FMN2: variants seen among roughly 807,000 people sequenced by gnomAD.
The protein encoded by FMN2 is formin 2.
A neutral mutation model predicts 142.3 loss-of-function variants in FMN2; 51 were observed. That is an observed-to-expected ratio of 0.36 (90% CI 0.29 to 0.45). The LOEUF is 0.45. Among genes scored for constraint, FMN2 ranks in the 20% least tolerant of loss-of-function variants. The pLI is 1.00. For synonymous variants in FMN2, 882 were observed against 869.8 expected, an observed-to-expected ratio of 1.01 and a Z score of -0.25; for missense variants, 1,936 against 2,122.8, an observed-to-expected ratio of 0.91 and a Z score of 1.73.
chr1:240,410,323 T>C (rs995632207), intron 15 of FMN2, among the ~76,000 whole-genome samples: 8 of 152,220 alleles, frequency 5.3e-5, no homozygotes, highest in African/African-American at 1.7e-4. Context: ...CTTTTCTGTT[T>C]GAAATTCCTC....
chr1:240,118,291 G>A (rs138085550), intron 1 of FMN2, among the ~76,000 whole-genome samples: 154 of 152,296 alleles, frequency 1.0e-3, no homozygotes, highest in African/African-American at 3.3e-3. Context: ...AAAGGGCAAC[G>A]GGTAGCACAG....
At chr1:240,455,496 C>T (rs1676209287) in intron 16 of FMN2, among the ~76,000 whole-genome samples, 1 of 152,178 alleles carries the variant, frequency 6.6e-6, no homozygotes, top group Admixed American at 6.5e-5. Context: ...AACGCAGTGA[C>T]TAGCCCATCA....
chr1:240,383,223 A>G lies in FMN2; in HGVS notation c.4859-9288A>G, dbSNP rs184034322. ...CCTAGGCAAAGAATTTATGACAAAGACCTCAAAAGCAAATGCAACAGAATA... is the reference window on the plus strand; with the variant it reads ...CCTAGGCAAAGAATTTATGACAAAGGCCTCAAAAGCAAATGCAACAGAATA... On this transcript the variant is annotated intron_variant, in intron 14 of 17. Transcript: ENST00000319653. Among the ~76,000 whole-genome samples, 39 of 150,828 alleles carry G rather than the reference A, an allele frequency of 2.6e-4. No individual in the cohort carries two copies. The East Asian group carries it at 7.2e-3, about 28-fold the overall frequency.
intron 8 of FMN2, among the ~76,000 whole-genome samples, chr1:240,301,071 G>A (rs907538746): frequency 4.6e-5 from 7 of 151,280 alleles, no homozygotes; most frequent in African/African-American, 1.7e-4. Flanking sequence ...TGTTGTTATA[G>A]TTGGATTTAG....
intron 1 of FMN2, among the ~76,000 whole-genome samples, chr1:240,103,703 T>G (rs1661491022): frequency 6.6e-6 from 1 of 152,158 alleles, no homozygotes; most frequent in African/African-American, 2.4e-5. Flanking sequence ...CAACATTCTT[T>G]TGTCCACAAC....
intron 7 of FMN2, among the ~76,000 whole-genome samples, chr1:240,289,033 C>T (rs1466120752): frequency 6.6e-6 from 1 of 152,190 alleles, no homozygotes; most frequent in African/African-American, 2.4e-5. Context: ...TGAGATAATC[C>T]ATGTGTGCTC....
At chr1:240,265,942 A>ATTT (rs1558401671) in intron 7 of FMN2, among the ~76,000 whole-genome samples, 3 of 139,022 alleles carry the variant, frequency 2.2e-5, no homozygotes, top group Non-Finnish European at 3.0e-5. Flanking sequence ...TCCTTTTTTC[A>ATTT]TTGCCCTGAA....
chr1:240,105,573 A>C (rs1360345347), intron 1 of FMN2, among the ~76,000 whole-genome samples: 1 of 152,162 alleles, frequency 6.6e-6, no homozygotes, highest in African/African-American at 2.4e-5. Context: ...TCATTTATTC[A>C]GATCATCTTT....
At chr1:240,297,407 A>C (rs1470120889) in intron 8 of FMN2, among the ~76,000 whole-genome samples, 4 of 152,024 alleles carry the variant, frequency 2.6e-5, no homozygotes, top group Non-Finnish European at 5.9e-5. Flanking sequence ...CAGCCTGGCC[A>C]ACATGGTGAA....
At position 240,333,957 on chromosome 1, in the gene FMN2, T is replaced by G; in HGVS notation, c.4644+11T>G. 6.2e-7 allele frequency: 1 copy of G among 1,602,402 alleles called. No homozygotes were observed. The highest frequency in any genetic ancestry group is 8.5e-7 in the Non-Finnish European group (1 of 1,173,218). ...CGAAATTTTGATGAGGTAAGACAAT[T>G]TTTACATATAGTCATATTCCATTAT... On this transcript the variant is annotated intron_variant, in intron 12 of 17. Transcript: ENST00000319653.
At chr1:240,251,326 G>C (rs535918374) in intron 6 of FMN2, among the ~76,000 whole-genome samples, 1 of 151,564 alleles carries the variant, frequency 6.6e-6, no homozygotes, top group East Asian at 1.9e-4. Flanking sequence ...ATTTCTTCCT[G>C]GTCTCAGTAG....
intron 2 of FMN2, among the ~76,000 whole-genome samples, chr1:240,177,430 GA>G (rs1279454741): frequency 6.6e-6 from 1 of 151,188 alleles, no homozygotes; most frequent in Non-Finnish European, 1.5e-5. Flanking sequence ...TTCCAACCTG[GA>G]CCCCAGATAA....
At chr1:240,103,236 T>C (rs768131920) in intron 1 of FMN2, among the ~76,000 whole-genome samples, 36 of 152,258 alleles carry the variant, frequency 2.4e-4, no homozygotes, top group Non-Finnish European at 5.0e-4. Flanking sequence ...ATCATTTTCA[T>C]ATCATCTGCT....
At position 240,437,466 on chromosome 1, in the gene FMN2, TTTTTTC is replaced by T. The variant is rs560820022; in HGVS notation, c.4911-591_4911-586del. On this transcript the variant is annotated intron_variant, in intron 15 of 17. Transcript: ENST00000319653. ...GCCCACCACCATGCCCGGCTAATTT[TTTTTTC>T]TTTGTAATTTTAGTAGAGACAGGGT... Among the ~76,000 whole-genome samples, 362 of 152,016 alleles carry T rather than the reference TTTTTTC, an allele frequency of 2.4e-3. 3 individuals carry two copies. Among genetic ancestry groups the T allele is most frequent in the Middle Eastern group, 6.8e-3 (2 of 292 alleles).
chr1:240,177,260 C>T (rs149276863), intron 2 of FMN2, among the ~76,000 whole-genome samples: 51 of 152,286 alleles, frequency 3.3e-4, no homozygotes, highest in African/African-American at 1.2e-3. Context: ...TAGTTTGTCT[C>T]CTGGCCCTAG....
At chr1:240,392,694 G>T in intron 15 of FMN2, 132 bp downstream of exon 15, 1 of 643,750 alleles carries the variant, frequency 1.6e-6, no homozygotes. Context: ...AAAATGGTGT[G>T]CTCTAAATCT....
chr1:240,153,726 A>G (rs1478023226), intron 2 of FMN2, among the ~76,000 whole-genome samples: 4 of 152,090 alleles, frequency 2.6e-5, no homozygotes, highest in Non-Finnish European at 4.4e-5. Flanking sequence ...CTAGAAAAAG[A>G]TGGAGTTATG....
chr1:240,123,625 T>A (rs551196109), intron 2 of FMN2, among the ~76,000 whole-genome samples: 1 of 152,326 alleles, frequency 6.6e-6, no homozygotes, highest in East Asian at 1.9e-4. Flanking sequence ...ACGATGATTT[T>A]AAAAATTGAT....
At chr1:240,145,650 C>A (rs951647270) in intron 2 of FMN2, among the ~76,000 whole-genome samples, 1 of 147,670 alleles carries the variant, frequency 6.8e-6, no homozygotes, top group South Asian at 2.1e-4. Flanking sequence ...GCGAGGACCA[C>A]AGGCACGTAC....
Sources: allele counts gnomAD v4.1 joint callset (sites outside exome capture counted in the v4.1 genomes callset), GRCh38; gene constraint gnomAD v4.1.1; transcripts MANE v1.5; gene names NCBI Gene and HGNC (gene_info 2026-07-23, HGNC 2026-07-21).